SLC14A2: variants seen among roughly 807,000 people sequenced by gnomAD.
The protein encoded by SLC14A2 is urea transporter 2.
In SLC14A2, 91 loss-of-function variants were observed where a neutral mutation model predicts 104.6. That is an observed-to-expected ratio of 0.87 (90% CI 0.73 to 1.04). The LOEUF is 1.04. Ranked by LOEUF, SLC14A2 falls within the 50% of genes least tolerant of loss-of-function variation. The probability of loss-of-function intolerance (pLI) is 0.00; values close to 1 mark genes in which losing one functional copy is unlikely to be tolerated. For missense variants in SLC14A2, 1,189 were observed against 1,156.0 expected (o/e 1.03, Z -0.41); for synonymous variants, 476 against 466.4 (o/e 1.02, Z -0.27).
intron 2 of SLC14A2, among the ~76,000 whole-genome samples, chr18:45,599,546 G>A (rs1378130245): frequency 6.6e-6 from 1 of 152,162 alleles, no homozygotes; most frequent in Non-Finnish European, 1.5e-5. Flanking sequence ...GTGAATGGAG[G>A]GACACCCTAC....
At chr18:45,404,527 A>G (rs544997832) in intron 1 of SLC14A2, among the ~76,000 whole-genome samples, 2 of 152,332 alleles carry the variant, frequency 1.3e-5, no homozygotes, top group East Asian at 1.9e-4. Flanking sequence ...GCATAATGCA[A>G]TAATTCTCAA....
intron 1 of SLC14A2, among the ~76,000 whole-genome samples, chr18:45,333,852 A>G (rs1381512009): frequency 6.6e-6 from 1 of 152,202 alleles, no homozygotes; most frequent in Non-Finnish European, 1.5e-5. Flanking sequence ...AAGCCCACCC[A>G]GTATTGACAC....
upstream of SLC14A2, among the ~76,000 whole-genome samples, chr18:45,611,907 C>A (rs2044978463): frequency 2.0e-5 from 3 of 152,314 alleles, no homozygotes; most frequent in South Asian, 6.2e-4. Flanking sequence ...ATATAAAATA[C>A]CATGTGCATG....
intron 2 of SLC14A2, among the ~76,000 whole-genome samples, chr18:45,553,788 C>T (rs932138979): frequency 6.6e-6 from 1 of 152,150 alleles, no homozygotes; most frequent in Admixed American, 6.5e-5. Flanking sequence ...GGGACCCACA[C>T]AATCTATAGC....
chr18:45,523,049 T>G (rs2043538282), intron 2 of SLC14A2, among the ~76,000 whole-genome samples: 1 of 152,186 alleles, frequency 6.6e-6, no homozygotes, highest in Admixed American at 6.5e-5. Context: ...CCATAAGTGG[T>G]CTACGGCAAG....
At chr18:45,573,140 A>AATAG (rs1232391279) in intron 2 of SLC14A2, among the ~76,000 whole-genome samples, 1 of 152,190 alleles carries the variant, frequency 6.6e-6, no homozygotes, top group Non-Finnish European at 1.5e-5. Flanking sequence ...TCTTTCAACT[A>AATAG]ATAGATTGAT....
intron 1 of SLC14A2, among the ~76,000 whole-genome samples, chr18:45,464,153 G>C (rs562923230): frequency 1.3e-5 from 2 of 152,342 alleles, no homozygotes; most frequent in South Asian, 4.1e-4. Context: ...AACAGAAGTA[G>C]TGGGGTGAAG....
intron 6 of SLC14A2, among the ~76,000 whole-genome samples, chr18:45,639,271 G>T (rs2045476328): frequency 6.6e-6 from 1 of 152,184 alleles, no homozygotes; most frequent in African/African-American, 2.4e-5. Flanking sequence ...TGAGCTAGGG[G>T]TCAAGCTCAG....
chr18:45,615,302 C>T (rs186722999), upstream of SLC14A2: 10 of 152,264 alleles, frequency 6.6e-5, no homozygotes, highest in African/African-American at 2.4e-4. Flanking sequence ...GCTCTGTGTC[C>T]ACACCTGAAT....
chr18:45,252,255 A>G (rs1224652587), intron 1 of SLC14A2, among the ~76,000 whole-genome samples: 1 of 152,194 alleles, frequency 6.6e-6, no homozygotes, highest in Admixed American at 6.5e-5. Flanking sequence ...TTTGAAATCT[A>G]TTTTCACCTG....
intron 1 of SLC14A2, among the ~76,000 whole-genome samples, chr18:45,463,008 A>G (rs1490156687): frequency 2.0e-5 from 3 of 152,210 alleles, no homozygotes; most frequent in Non-Finnish European, 4.4e-5. Context: ...GGAGTGATCA[A>G]TGTCCATTCT....
chr18:45,646,564 C>T (rs1211203311), intron 10 of SLC14A2: 1 of 152,182 alleles, frequency 6.6e-6, no homozygotes, highest in East Asian at 1.9e-4. Flanking sequence ...TTTAGCCATG[C>T]TTACTGGATC....
chr18:45,192,646 TGTTTTGTTTTG>T, the SLC14A2 span, among the ~76,000 whole-genome samples: 1 of 147,766 alleles, frequency 6.8e-6, no homozygotes, highest in African/African-American at 2.6e-5. Context: ...GGTTTTTTTT[TGTTTTGTTTTG>T]TTTTGTTTTG....
the SLC14A2 span, among the ~76,000 whole-genome samples, chr18:45,169,590 C>T: frequency 6.6e-6 from 1 of 152,148 alleles, no homozygotes; most frequent in Non-Finnish European, 1.5e-5. Flanking sequence ...GACAAGTTAT[C>T]CTGGGCTTAG....
intron 1 of SLC14A2, among the ~76,000 whole-genome samples, chr18:45,228,969 C>A (rs2084147530): frequency 6.6e-6 from 1 of 152,162 alleles, no homozygotes; most frequent in Admixed American, 6.5e-5. Flanking sequence ...TTTTCCCCTA[C>A]AACCATTGCC....
At chr18:45,379,461 C>T (rs1221593781) in intron 1 of SLC14A2, among the ~76,000 whole-genome samples, 1 of 152,188 alleles carries the variant, frequency 6.6e-6, no homozygotes, top group Non-Finnish European at 1.5e-5. Flanking sequence ...CTCTCCCCAC[C>T]CCCATTCCCT....
intron 2 of SLC14A2, among the ~76,000 whole-genome samples, chr18:45,572,999 G>A (rs769881760): frequency 1.2e-4 from 18 of 152,182 alleles, no homozygotes; most frequent in Non-Finnish European, 1.8e-4. Context: ...AGAATAGTCC[G>A]CCTTTATCCC....
chr18:45,215,590 A>C (rs774061810), intron 1 of SLC14A2, among the ~76,000 whole-genome samples: 10 of 152,248 alleles, frequency 6.6e-5, no homozygotes, highest in Non-Finnish European at 1.3e-4. Context: ...GGAAATATCC[A>C]TTTATGAGAA....
intron 1 of SLC14A2, among the ~76,000 whole-genome samples, chr18:45,294,867 T>C (rs1423188069): frequency 6.6e-6 from 1 of 152,258 alleles, no homozygotes; most frequent in Non-Finnish European, 1.5e-5. Context: ...ATCTGTGAAA[T>C]GCAGTTTGGG....
Sources: allele counts gnomAD v4.1 joint callset (sites outside exome capture counted in the v4.1 genomes callset), GRCh38; gene constraint gnomAD v4.1.1; transcripts MANE v1.5; gene names NCBI Gene and HGNC (gene_info 2026-07-23, HGNC 2026-07-21).